The following ZBTB44 variants were observed in gnomAD, a reference collection of about 807,000 sequenced individuals.
The protein encoded by ZBTB44 is zinc finger and BTB domain containing 44, also known as zinc finger and BTB domain-containing protein 44.
ZBTB44 carries 15 observed loss-of-function variants against 54.0 expected under a neutral mutation model. The ratio of observed to expected loss-of-function variants is 0.28; its 90% CI spans 0.19 to 0.43. The LOEUF (loss-of-function observed/expected upper bound fraction) is 0.43, where lower values mean the gene tolerates loss of function less well. Among genes scored for constraint, ZBTB44 ranks in the 20% least tolerant of loss-of-function variants. The pLI, the probability that ZBTB44 is intolerant of heterozygous loss-of-function variation, is 1.00. For synonymous variants in ZBTB44, 230 were observed against 250.1 expected, an observed-to-expected ratio of 0.92 and a Z score of 0.76; for missense variants, 487 against 707.1, an observed-to-expected ratio of 0.69 and a Z score of 3.53.
At chr11:130,271,200 G>A (rs564034929) in intron 1 of ZBTB44, among the ~76,000 whole-genome samples, 1 of 152,206 alleles carries the variant, frequency 6.6e-6, no homozygotes, top group African/African-American at 2.4e-5. Context: ...AATAGTTAAA[G>A]GAAAAAGTTG....
chr11:130,302,277 T>A (rs183502358), intron 1 of ZBTB44, among the ~76,000 whole-genome samples: 3 of 151,844 alleles, frequency 2.0e-5, no homozygotes, highest in African/African-American at 7.3e-5. Context: ...GAGTCAAGAG[T>A]TGAACCCAGC....
At chr11:130,252,495 A>G (rs1938097528) in intron 2 of ZBTB44, among the ~76,000 whole-genome samples, 1 of 152,230 alleles carries the variant, frequency 6.6e-6, no homozygotes, top group East Asian at 1.9e-4. Flanking sequence ...ACCGCATGGC[A>G]CTTATTCTAA....
At chr11:130,289,694 T>C (rs758909529) in intron 1 of ZBTB44, among the ~76,000 whole-genome samples, 46 of 152,010 alleles carry the variant, frequency 3.0e-4, no homozygotes, top group Admixed American at 2.1e-3. Flanking sequence ...TTTGTTACCA[T>C]AGGAGAGCCA....
At chr11:130,281,198 T>C (rs894526405) in intron 1 of ZBTB44, among the ~76,000 whole-genome samples, 1 of 152,134 alleles carries the variant, frequency 6.6e-6, no homozygotes, top group Non-Finnish European at 1.5e-5. Flanking sequence ...AGGTCTCAAA[T>C]TAATCATCCA....
At chr11:130,254,895 TAAA>T (rs1938310297) in intron 2 of ZBTB44, among the ~76,000 whole-genome samples, 1 of 151,734 alleles carries the variant, frequency 6.6e-6, no homozygotes, top group African/African-American at 2.4e-5. Context: ...CATGCAGCCA[TAAA>T]AAAGGATGGG....
chr11:130,286,013 C>T (rs1480403446), intron 1 of ZBTB44, among the ~76,000 whole-genome samples: 2 of 152,214 alleles, frequency 1.3e-5, no homozygotes, highest in Non-Finnish European at 2.9e-5. Flanking sequence ...TTCTAAAACT[C>T]ATATTCGATC....
chr11:130,290,164 G>GA (rs770616328), intron 1 of ZBTB44, among the ~76,000 whole-genome samples: 5 of 152,192 alleles, frequency 3.3e-5, no homozygotes, highest in African/African-American at 9.7e-5. Context: ...AGGAGAAGGT[G>GA]AAAAGTGGGG....
At chr11:130,239,717 G>A (rs921604596) in intron 3 of ZBTB44, 95 bp downstream of exon 3, 3 of 965,628 alleles carry the variant, frequency 3.1e-6, no homozygotes, top group Non-Finnish European at 1.6e-6. Flanking sequence ...AAGTGAGGTT[G>A]TAATAAACTT....
At chr11:130,260,541 T>C (rs1428090991) in intron 2 of ZBTB44, among the ~76,000 whole-genome samples, 3 of 152,246 alleles carry the variant, frequency 2.0e-5, no homozygotes, top group Non-Finnish European at 4.4e-5. Flanking sequence ...TCATAAATGT[T>C]TGCTTGGCAC....
chr11:130,295,436 A>T (rs1941583285), intron 1 of ZBTB44, among the ~76,000 whole-genome samples: 1 of 152,178 alleles, frequency 6.6e-6, no homozygotes. Flanking sequence ...ATACAAAAAA[A>T]GCAAAAACTG....
intron 1 of ZBTB44, among the ~76,000 whole-genome samples, chr11:130,301,447 A>G (rs1219190842): frequency 6.6e-6 from 1 of 152,168 alleles, no homozygotes; most frequent in Non-Finnish European, 1.5e-5. Context: ...TGAGCTTAAG[A>G]GTTCAAGACC....
rs1954004883 is a variant in ZBTB44 at position 130,234,130 on chromosome 11, C to T, written c.1686+26G>A. 3 of 1,544,198 alleles carry T rather than the reference C, an allele frequency of 1.9e-6. No homozygotes were observed. In the Admixed American group the frequency reaches 6.1e-5, roughly 31 times the overall value. On this transcript the variant is annotated intron_variant, in intron 6 of 7. Transcript: ENST00000357899. ...ACCAAGAGACCCCAAGGGAAAAGTG[C>T]TTTCACAATTCTGGGTTGAGGAGAC...
chr11:130,247,610 G>T (rs1273405222), intron 2 of ZBTB44, among the ~76,000 whole-genome samples: 16 of 152,192 alleles, frequency 1.1e-4, no homozygotes, highest in Non-Finnish European at 1.9e-4. Flanking sequence ...GATGAACATA[G>T]GTTGGATTAG....
chr11:130,276,798 A>G (rs1940135947), intron 1 of ZBTB44, among the ~76,000 whole-genome samples: 1 of 152,044 alleles, frequency 6.6e-6, no homozygotes. Context: ...CTGTTTCTTC[A>G]TTTCTGTTTT....
intron 1 of ZBTB44, among the ~76,000 whole-genome samples, chr11:130,263,068 A>G (rs1053854868): frequency 2.0e-5 from 3 of 152,256 alleles, no homozygotes; most frequent in Non-Finnish European, 4.4e-5. Context: ...CTAAAAAAAT[A>G]TAAGTCACAG....
intron 1 of ZBTB44, among the ~76,000 whole-genome samples, chr11:130,312,851 T>C (rs987112053): frequency 3.9e-5 from 6 of 152,188 alleles, no homozygotes; most frequent in Non-Finnish European, 7.3e-5. Context: ...CTGGGGTTAG[T>C]AGGAGAATGT....
rs1348296288 is a variant in ZBTB44, at chr11:130,314,795, C to T, written c.-477G>A. 2.6e-5 allele frequency: 1 copy of T among 38,414 alleles called. No individual in the cohort carries two copies. The highest frequency in any genetic ancestry group is 6.0e-4 in the East Asian group (1 of 1,658). 2.4% of individuals were successfully genotyped at this position (38,414 alleles called of 1,614,324 possible). A position where few individuals can be genotyped will look rare whatever the true frequency, so the allele number is the denominator to read the frequency against. ...GGCGGGGTGGGGAAGGGGAAGGGGACTGAGGGGAGGGGAGGGGGAGGTTGG... is the reference window on the plus strand; with the variant it reads ...GGCGGGGTGGGGAAGGGGAAGGGGATTGAGGGGAGGGGAGGGGGAGGTTGG... On this transcript the variant is annotated 5_prime_UTR_variant, in exon 1 of 8. Transcript: ENST00000357899.
At position 130,234,258 on chromosome 11, in the gene ZBTB44, C is replaced by G. The variant is rs369408140; in HGVS notation, c.1584G>C (p.Pro528=). Residue 528 remains proline, a synonymous_variant, in exon 6 of 8, where the codon CCG becomes CCC. Transcript: ENST00000357899. ...CTTCTTGTTCCTGGTTTAAGTAGTC[C>G]GGTACTAGGAAATCACTAGATAAGA... ...NYFQSSDFLV[P]DYLNQEQEET... is the part of the protein sequence containing the mutation. 312 of 1,532,546 alleles carry G rather than the reference C, an allele frequency of 2.0e-4. 1 individual carries two copies. Among genetic ancestry groups the G allele is most frequent in the Non-Finnish European group, 2.0e-4 (224 of 1,138,556 alleles). The allele number at this position is 1,532,546 out of a possible 1,614,324, so 94.9% of individuals were successfully genotyped here.
At chr11:130,303,031 C>A (rs2134465236) in intron 1 of ZBTB44, among the ~76,000 whole-genome samples, 1 of 152,160 alleles carries the variant, frequency 6.6e-6, no homozygotes, top group Middle Eastern at 3.4e-3. Flanking sequence ...AATCTAAGTC[C>A]CTGAAAAACT....
Sources: gnomAD v4.1 joint callset for allele counts (sites outside exome capture counted in the v4.1 genomes callset) on GRCh38, gnomAD v4.1.1 for gene constraint, MANE v1.5 for transcripts, NCBI Gene and HGNC (gene_info 2026-07-23, HGNC 2026-07-21) for gene names.